Variants in ZSCAN31 observed in about 807,000 individuals in gnomAD.
ZSCAN31 encodes zinc finger and SCAN domain-containing protein 31.
Under a neutral mutation model 22.5 loss-of-function variants are expected in ZSCAN31, and 14 were observed. That is an observed-to-expected ratio of 0.62 (90% CI 0.41 to 0.97). ZSCAN31 has a LOEUF of 0.97. Among genes scored for constraint, ZSCAN31 ranks in the 50% least tolerant of loss-of-function variants. The probability of loss-of-function intolerance (pLI) is 0.00; values close to 1 mark genes in which losing one functional copy is unlikely to be tolerated. For missense variants in ZSCAN31, 424 were observed against 483.4 expected (o/e 0.88, Z 1.15); for synonymous variants, 168 against 169.8 (o/e 0.99, Z 0.08).
chr6:28,330,063 T>C (rs976949204), intron 1 of ZSCAN31, among the ~76,000 whole-genome samples: 3 of 152,098 alleles, frequency 2.0e-5, no homozygotes, highest in African/African-American at 7.2e-5. Flanking sequence ...TATTAGCAAA[T>C]GTGATGCATG....
upstream of ZSCAN31, among the ~76,000 whole-genome samples, chr6:28,338,060 A>T (rs1282132883): frequency 1.3e-5 from 2 of 149,398 alleles, no homozygotes; most frequent in East Asian, 3.9e-4. Context: ...TAAATAAATA[A>T]ATAAATAAAG....
chr6:28,327,071 C>T, intron 3 of ZSCAN31, among the ~76,000 whole-genome samples: 1 of 152,032 alleles, frequency 6.6e-6, no homozygotes, highest in East Asian at 1.9e-4. Context: ...CCAGAGGCTC[C>T]CAGTGAGGAT....
chr6:28,340,778 C>A (rs1352522303), upstream of ZSCAN31, among the ~76,000 whole-genome samples: 1 of 152,150 alleles, frequency 6.6e-6, no homozygotes, highest in Non-Finnish European at 1.5e-5. Flanking sequence ...AACTAAAAAG[C>A]AAGGCTTTTA....
In ZSCAN31 at chr6:28,325,268, G is replaced by C. The variant is rs1763182987; in HGVS notation, c.*898C>G. ...CAAAGTTGCTGACCAACCCCCAAAAGAAGAATAATGCTGACATAAAAGGCT... is the reference window on the plus strand; with the variant it reads ...CAAAGTTGCTGACCAACCCCCAAAACAAGAATAATGCTGACATAAAAGGCT... On this transcript the variant is annotated 3_prime_UTR_variant, in exon 4 of 4. Transcript: ENST00000344279. 1 of 152,136 alleles carries C rather than the reference G, an allele frequency of 6.6e-6. No homozygotes were observed. The highest frequency in any genetic ancestry group is 1.5e-5 in the Non-Finnish European group (1 of 68,020). The allele number at this position is 152,136 out of a possible 1,614,324, so 9.4% of individuals were successfully genotyped here. A position where few individuals can be genotyped will look rare whatever the true frequency, so the allele number is the denominator to read the frequency against.
chr6:28,339,970 A>G (rs79491407), upstream of ZSCAN31, among the ~76,000 whole-genome samples: 2 of 77,816 alleles, frequency 2.6e-5, no homozygotes, highest in African/African-American at 1.1e-4. Context: ...CTCAAATTTT[A>G]CAAGCATATG....
chr6:28,338,353 A>G (rs1322291152), upstream of ZSCAN31, among the ~76,000 whole-genome samples: 1 of 152,240 alleles, frequency 6.6e-6, no homozygotes, highest in African/African-American at 2.4e-5. Context: ...ACTGCACTCC[A>G]GCGTGGCTGA....
chr6:28,341,975 C>T (rs943949307), intron 2 of ZSCAN31, among the ~76,000 whole-genome samples: 5 of 151,926 alleles, frequency 3.3e-5, no homozygotes, highest in African/African-American at 4.8e-5. Context: ...AGGTAGAAAA[C>T]GTATTTATAA....
chr6:28,338,276 G>T (rs1327621895), upstream of ZSCAN31, among the ~76,000 whole-genome samples: 1 of 152,052 alleles, frequency 6.6e-6, no homozygotes, highest in Non-Finnish European at 1.5e-5. Context: ...GCACATGCCT[G>T]TGGGTCTGAG....
Position 28,326,292 on chromosome 6 carries a change from C to T in ZSCAN31, c.1095G>A (p.Gly365=), listed in dbSNP as rs2394050. 8.7e-6 allele frequency: 14 copies of T among 1,613,068 alleles called. No homozygotes were observed. The highest frequency in any genetic ancestry group is 5.9e-6 in the Non-Finnish European group (7 of 1,179,654). Residue 365 remains glycine (G), a synonymous_variant, in exon 4 of 4, where the codon GGG becomes GGA. Transcript: ENST00000344279. Reference sequence around the variant, plus strand: ...TGTGGACTCGGAGATGCTGGAAAAGCCCTGCATTCTGAATGAAGGCTTTGC... The same window carrying T: ...TGTGGACTCGGAGATGCTGGAAAAGTCCTGCATTCTGAATGAAGGCTTTGC... ...ECGKAFIQNA[G]LFQHLRVHTG...
chr6:28,344,916 G>A lies in ZSCAN31; in HGVS notation c.-370-3124C>T, dbSNP rs554082982. ...ATGCCAAGGCAGGTGGATCACTTGAGGTCGGGAACTCCAGATCAGTCTGGT... is the reference window on the plus strand; with the variant it reads ...ATGCCAAGGCAGGTGGATCACTTGAAGTCGGGAACTCCAGATCAGTCTGGT... On this transcript the variant is annotated intron_variant, in intron 2 of 7. Coordinates refer to the ZSCAN31 transcript ENST00000396838. 7.2e-5 allele frequency among the ~76,000 whole-genome samples: 11 copies of A among 151,814 alleles called. No homozygotes were observed. In the South Asian group the frequency reaches 1.0e-3, roughly 14 times the overall value.
chr6:28,344,994 A>G (rs1415914831), intron 2 of ZSCAN31, among the ~76,000 whole-genome samples: 4 of 151,484 alleles, frequency 2.6e-5, no homozygotes, highest in African/African-American at 9.7e-5. Context: ...AAAAAAGAAA[A>G]AATTAGCCGG....
chr6:28,353,575 G>A (rs953276779), intron 2 of ZSCAN31: 7 of 262,124 alleles, frequency 2.7e-5, no homozygotes, highest in African/African-American at 1.5e-4. Context: ...TACTGAGGAA[G>A]GAGTAGATTA....
At position 28,333,309 on chromosome 6, in the gene ZSCAN31, A is replaced by C. The variant is rs141979296; in HGVS notation, c.-96+2773T>G. Among the ~76,000 whole-genome samples the C allele has an allele frequency of 2.8e-4, 42 of 152,356 alleles. No homozygotes were observed. The highest frequency in any genetic ancestry group is 6.8e-3 in the Middle Eastern group (2 of 294). Reference sequence around the variant, plus strand: ...TAGTAACTAACCTATTTATTTGCTCATTTAGTCAATAAATGTTCATTGAGC... The same window carrying C: ...TAGTAACTAACCTATTTATTTGCTCCTTTAGTCAATAAATGTTCATTGAGC... On this transcript the variant is annotated intron_variant, in intron 1 of 3. Coordinates refer to ENST00000344279, the MANE Select transcript of ZSCAN31 (RefSeq NM_030899.5). The surrounding 1 kb of genome is among the most constrained non-coding windows in gnomAD (Gnocchi z 4.1).
In ZSCAN31 at chr6:28,326,579, C is replaced by T. The variant is rs1442919303; in HGVS notation, c.808G>A (p.Glu270Lys). Residue 270 changes from glutamate (E) to lysine (K), a missense_variant, in exon 4 of 4, where the codon GAA becomes AAA. Glu to Lys is a moderately conservative substitution (Grantham distance 56, BLOSUM62 1). Transcript: ENST00000344279. Reference sequence around the variant, plus strand: ...CGGCTGAAGGCCTTCCCACATTCTTCACATTCATATGGCTTCTCCCCAGTG... The same window carrying T: ...CGGCTGAAGGCCTTCCCACATTCTTTACATTCATATGGCTTCTCCCCAGTG... ...IHTGEKPYEC[E>K]ECGKAFSRRS... 4.3e-6 allele frequency: 7 copies of T among 1,613,982 alleles called. No individual in the cohort carries two copies. The East Asian group carries it at 1.6e-4, about 36-fold the overall frequency.
In ZSCAN31 at chr6:28,325,054, A is replaced by G. The variant is rs1763170836; in HGVS notation, c.*1112T>C. The G allele has an allele frequency of 1.3e-5, 2 of 152,206 alleles. No individual in the cohort carries two copies. Among genetic ancestry groups the G allele is most frequent in the South Asian group, 2.1e-4 (1 of 4,838 alleles). 9.4% of individuals were successfully genotyped at this position (152,206 alleles called of 1,614,324 possible). ...GAGACTATAGCATAGCAGCATTTAG[A>G]TAACTTGCCTAAAGTCCCACAGCTC... On this transcript the variant is annotated 3_prime_UTR_variant, in exon 4 of 4. Transcript: ENST00000344279.
At chr6:28,342,431 A>G (rs1250627325) in intron 2 of ZSCAN31, among the ~76,000 whole-genome samples, 2 of 152,170 alleles carry the variant, frequency 1.3e-5, no homozygotes, top group Admixed American at 1.3e-4. Flanking sequence ...ACACTACGTT[A>G]GTTCCTAGGG....
rs1764682912 is a variant in ZSCAN31, at chr6:28,347,307, T to C, written c.-370-5515A>G. 1.3e-5 allele frequency among the ~76,000 whole-genome samples: 2 copies of C among 152,238 alleles called. No individual in the cohort carries two copies. The highest frequency in any genetic ancestry group is 2.9e-5 in the Non-Finnish European group (2 of 68,046). ...CTCCACCTCAGCCAATCTGGCTCCCTTGCTGTTTCCTCTACCGGGAACACT... is the reference window on the plus strand; with the variant it reads ...CTCCACCTCAGCCAATCTGGCTCCCCTGCTGTTTCCTCTACCGGGAACACT... On this transcript the variant is annotated intron_variant, in intron 2 of 7. Coordinates refer to the ZSCAN31 transcript ENST00000396838. This position sits in a 1 kb window ranked among gnomAD's most constrained non-coding sequence, Gnocchi z 5.2.
At chr6:28,345,574 G>A (rs1764610739) in intron 2 of ZSCAN31, among the ~76,000 whole-genome samples, 1 of 152,208 alleles carries the variant, frequency 6.6e-6, no homozygotes, top group Non-Finnish European at 1.5e-5. Context: ...TCAGTGGCAA[G>A]TGATTCATTT....
chr6:28,344,390 G>A (rs938638583), intron 2 of ZSCAN31, among the ~76,000 whole-genome samples: 1 of 152,178 alleles, frequency 6.6e-6, no homozygotes, highest in African/African-American at 2.4e-5. Context: ...CATAAGATGT[G>A]TGTGGTATGT....
Sources: gnomAD v4.1 joint callset for allele counts (sites outside exome capture counted in the v4.1 genomes callset) on GRCh38, gnomAD v4.1.1 for gene constraint, Gnocchi (gnomAD v3.1) non-coding constraint, MANE v1.5 for transcripts, NCBI Gene and HGNC (gene_info 2026-07-23, HGNC 2026-07-21) for gene names.